The following FOXD3 variants were observed in gnomAD, a reference collection of about 807,000 sequenced individuals.
FOXD3 encodes forkhead box protein D3.
Under a neutral mutation model 3.6 loss-of-function variants are expected in FOXD3, and 3 were observed. That is an observed-to-expected ratio of 0.84 (90% CI 0.38 to 2.18). FOXD3 has a LOEUF of 2.18. Among genes scored for constraint, FOXD3 ranks in the 30% most tolerant of loss-of-function variants. FOXD3 has a pLI of 0.06. For synonymous variants in FOXD3, 391 were observed against 360.9 expected, an observed-to-expected ratio of 1.08 and a Z score of -0.94; for missense variants, 686 against 731.6, an observed-to-expected ratio of 0.94 and a Z score of 0.72.
In FOXD3 at chr1:63,324,591, C is replaced by A; in HGVS notation, c.*96C>A. 1.1e-6 allele frequency: 1 copy of A among 918,182 alleles called. No homozygotes were observed. The highest frequency in any genetic ancestry group is 1.7e-6 in the Non-Finnish European group (1 of 597,688). 56.9% of individuals were successfully genotyped at this position (918,182 alleles called of 1,614,324 possible). On this transcript the variant is annotated 3_prime_UTR_variant, in exon 1 of 1. Transcript: ENST00000371116. The surrounding 1 kb of genome is among the most constrained non-coding windows in gnomAD (Gnocchi z 4.1). Reference sequence around the variant, plus strand: ...GCCCTGTCCCAAGCCCGGTCCCGGTCCCGCTGCCCAATCCTGGACTCTGCC... The same window carrying A: ...GCCCTGTCCCAAGCCCGGTCCCGGTACCGCTGCCCAATCCTGGACTCTGCC...
Position 63,323,574 on chromosome 1 carries a change from C to A in FOXD3, c.516C>A (p.Ser172Arg). The A allele has an allele frequency of 6.2e-7, 1 of 1,614,170 alleles. No homozygotes were observed. Among genetic ancestry groups the A allele is most frequent in the Non-Finnish European group, 8.5e-7 (1 of 1,180,024 alleles). The change falls in exon 1 of 1, where the codon AGC (serine) becomes AGA (arginine). Residue 172 changes from serine (S) to arginine (R), a missense_variant. Coordinates refer to ENST00000371116, the MANE Select transcript of FOXD3 (RefSeq NM_012183.3). This position sits in a 1 kb window ranked among gnomAD's most constrained non-coding sequence, Gnocchi z 6.8. ...TGAGCGGCATCTGCGAGTTCATCAG[C>A]AACCGCTTCCCCTACTACAGGGAGA... is the stretch of plus-strand genomic sequence containing the variant. Reference protein sequence around the residue: ...LTLSGICEFISNRFPYYREKF... With the variant: ...LTLSGICEFIRNRFPYYREKF...
rs1411767591 is a variant in FOXD3, at chr1:63,323,938, G to T, written c.880G>T (p.Ala294Ser). The T allele has an allele frequency of 5.7e-5, 71 of 1,243,186 alleles. No homozygotes were observed. Among genetic ancestry groups the T allele is most frequent in the Non-Finnish European group, 6.9e-5 (69 of 998,568 alleles). 77.0% of individuals were successfully genotyped at this position (1,243,186 alleles called of 1,614,324 possible). ...GAYSHPAAAA[A>S]AAAAAALQYP... is the part of the protein sequence containing the mutation. ...CTATTCGCACCCGGCAGCGGCGGCG[G>T]CCGCGGCTGCTGCGGCGGCGCTCCA... Residue 294 changes from alanine to serine, a missense_variant, in exon 1 of 1, where the codon GCC (alanine) becomes TCC (serine). Ala to Ser is a moderately conservative substitution (Grantham distance 99, BLOSUM62 1). Coordinates refer to ENST00000371116, the MANE Select transcript of FOXD3 (RefSeq NM_012183.3). This position sits in a 1 kb window ranked among gnomAD's most constrained non-coding sequence, Gnocchi z 6.8.
At position 63,323,047 on chromosome 1, in the gene FOXD3, C is replaced by A; in HGVS notation, c.-12C>A. The A allele has an allele frequency of 1.3e-6, 2 of 1,527,444 alleles. No individual in the cohort carries two copies. Among genetic ancestry groups the A allele is most frequent in the South Asian group, 1.2e-5 (1 of 83,270 alleles). 94.6% of individuals were successfully genotyped at this position (1,527,444 alleles called of 1,614,324 possible). Reference sequence around the variant, plus strand: ...GCCCCCTCCCCGCCGCCGCTACCAACCCCGAGGAGGGATGACCCTCTCCGG... The same window carrying A: ...GCCCCCTCCCCGCCGCCGCTACCAAACCCGAGGAGGGATGACCCTCTCCGG... On this transcript the variant is annotated 5_prime_UTR_variant, in exon 1 of 1. Coordinates refer to ENST00000371116, the MANE Select transcript of FOXD3 (RefSeq NM_012183.3). The surrounding 1 kb of genome is among the most constrained non-coding windows in gnomAD (Gnocchi z 6.8).
chr1:63,323,431 G>T lies in FOXD3; in HGVS notation c.373G>T (p.Gly125Cys). 2 of 1,562,092 alleles carry T rather than the reference G, an allele frequency of 1.3e-6. No homozygotes were observed. The highest frequency in any genetic ancestry group is 1.2e-5 in the South Asian group (1 of 85,872). The change falls in exon 1 of 1, where the codon GGT becomes TGT. Residue 125 changes from glycine to cysteine, a missense_variant. By Grantham distance (159) the Gly-to-Cys change is radical (BLOSUM62 -3). Transcript: ENST00000371116. This position sits in a 1 kb window ranked among gnomAD's most constrained non-coding sequence, Gnocchi z 6.8. ...ASGGGPGAGS[G>C]SAGGLAPSKP... ...CGGCGGCGGGCCTGGCGCGGGCAGC[G>T]GTTCGGCGGGAGGCCTGGCCCCGAG... is the stretch of plus-strand genomic sequence containing the variant.
Position 63,322,957 on chromosome 1 carries a change from C to T in FOXD3, c.-102C>T. 7.1e-7 allele frequency: 1 copy of T among 1,407,118 alleles called. No homozygotes were observed. The highest frequency in any genetic ancestry group is 3.0e-5 in the East Asian group (1 of 33,236). The allele number at this position is 1,407,118 out of a possible 1,614,324, so 87.2% of individuals were successfully genotyped here. ...TCCCCTCTCCCTGCCCCCCATCTTT[C>T]GGGGGCACTCAAACCCTCTTCCCCT... On this transcript the variant is annotated 5_prime_UTR_variant, in exon 1 of 1. Transcript: ENST00000371116.
In FOXD3 at chr1:63,324,334, GC is replaced by G; in HGVS notation, c.1277del (p.Ala426GlufsTer12). ...FLRPPGTVQS[A>X]ALMATHQPLS... The stretch of plus-strand genomic sequence containing the variant: ...GCGGCCACCCGGGACCGTGCAGTCG[GC>G]AGCGCTCATGGCCACCCACCAACCG... On this transcript the variant is annotated frameshift_variant, in exon 1 of 1. Transcript: ENST00000371116. LOFTEE classifies it high-confidence loss of function. This position sits in a 1 kb window ranked among gnomAD's most constrained non-coding sequence, Gnocchi z 4.1. 4 of 1,582,884 alleles carry G rather than the reference GC, an allele frequency of 2.5e-6. No individual in the cohort carries two copies. The highest frequency in any genetic ancestry group is 3.4e-6 in the Non-Finnish European group (4 of 1,173,308).
Position 63,324,512 on chromosome 1 carries a change from G to A in FOXD3, c.*17G>A. 6.6e-7 allele frequency: 1 copy of A among 1,521,266 alleles called. No homozygotes were observed. Among genetic ancestry groups the A allele is most frequent in the Non-Finnish European group, 8.8e-7 (1 of 1,135,014 alleles). 94.2% of individuals were successfully genotyped at this position (1,521,266 alleles called of 1,614,324 possible). A position where few individuals can be genotyped will look rare whatever the true frequency, so the allele number is the denominator to read the frequency against. On this transcript the variant is annotated 3_prime_UTR_variant, in exon 1 of 1. Transcript: ENST00000371116. The surrounding 1 kb of genome is among the most constrained non-coding windows in gnomAD (Gnocchi z 4.1). ...GCGCAATAGGGACGCGCCAATGGCC[G>A]GGACCCAGGGTCCGGCGGCGGCCTC...
In FOXD3 at chr1:63,323,397, C is replaced by T. The variant is rs1365152753; in HGVS notation, c.339C>T (p.Gly113=). ...GCKGGVGGEE[G]GASGGGPGAG... Reference sequence around the variant, plus strand: ...AGGGCGGTGTTGGCGGCGAGGAGGGCGGCGCGAGCGGCGGCGGGCCTGGCG... The same window carrying T: ...AGGGCGGTGTTGGCGGCGAGGAGGGTGGCGCGAGCGGCGGCGGGCCTGGCG... Residue 113 remains glycine, a synonymous_variant, in exon 1 of 1, where the codon GGC becomes GGT. Transcript: ENST00000371116. The surrounding 1 kb of genome is among the most constrained non-coding windows in gnomAD (Gnocchi z 6.8). The T allele has an allele frequency of 2.1e-5, 30 of 1,435,750 alleles. No individual in the cohort carries two copies. Among genetic ancestry groups the T allele is most frequent in the South Asian group, 7.5e-5 (5 of 66,712 alleles). 88.9% of individuals were successfully genotyped at this position (1,435,750 alleles called of 1,614,324 possible).
Position 63,324,566 on chromosome 1 carries a change from G to C in FOXD3, c.*71G>C. The C allele has an allele frequency of 8.4e-7, 1 of 1,194,052 alleles. No individual in the cohort carries two copies. The highest frequency in any genetic ancestry group is 2.2e-5 in the Admixed American group (1 of 44,764). 74.0% of individuals were successfully genotyped at this position (1,194,052 alleles called of 1,614,324 possible). ...CAACAAATGCACCTCCAGGCTGCGC[G>C]CCCTGTCCCAAGCCCGGTCCCGGTC... On this transcript the variant is annotated 3_prime_UTR_variant, in exon 1 of 1. Coordinates refer to ENST00000371116, the MANE Select transcript of FOXD3 (RefSeq NM_012183.3). The surrounding 1 kb of genome is among the most constrained non-coding windows in gnomAD (Gnocchi z 4.1).
Position 63,323,382 on chromosome 1 carries a change from T to G in FOXD3, c.324T>G (p.Val108=). Residue 108 remains valine, a synonymous_variant, in exon 1 of 1, where the codon GTT becomes GTG. Coordinates refer to ENST00000371116, the MANE Select transcript of FOXD3 (RefSeq NM_012183.3). The surrounding 1 kb of genome is among the most constrained non-coding windows in gnomAD (Gnocchi z 6.8). ...APEADGCKGG[V]GGEEGGASGG... ...AGGCGGACGGCTGCAAGGGCGGTGTTGGCGGCGAGGAGGGCGGCGCGAGCG... is the reference window on the plus strand; with the variant it reads ...AGGCGGACGGCTGCAAGGGCGGTGTGGGCGGCGAGGAGGGCGGCGCGAGCG... 1 of 1,401,982 alleles carries G rather than the reference T, an allele frequency of 7.1e-7. No homozygotes were observed. The highest frequency in any genetic ancestry group is 9.2e-7 in the Non-Finnish European group (1 of 1,082,680). 86.8% of individuals were successfully genotyped at this position (1,401,982 alleles called of 1,614,324 possible). A position where few individuals can be genotyped will look rare whatever the true frequency, so the allele number is the denominator to read the frequency against.
rs1208241654 is a variant in FOXD3, at chr1:63,324,441, C to G, written c.1383C>G (p.Ala461=). Residue 461 remains alanine, a synonymous_variant, in exon 1 of 1, where the codon GCC becomes GCG. Transcript: ENST00000371116. This position sits in a 1 kb window ranked among gnomAD's most constrained non-coding sequence, Gnocchi z 4.1. Reference sequence around the variant, plus strand: ...CCGGACAGTTTCTGCAGCCCGCAGCCTCGGCCGCCGCCGCTGCTGCGGCCG... The same window carrying G: ...CCGGACAGTTTCTGCAGCCCGCAGCGTCGGCCGCCGCCGCTGCTGCGGCCG... The part of the protein sequence containing the change: ...PLSGQFLQPA[A]SAAAAAAAAA... 3 of 1,546,388 alleles carry G rather than the reference C, an allele frequency of 1.9e-6. No individual in the cohort carries two copies. The African/African-American group carries it at 4.1e-5, about 21-fold the overall frequency.
rs1647054240 is a variant in FOXD3, at chr1:63,324,118, G to T, written c.1060G>T (p.Ala354Ser). Residue 354 changes from alanine to serine, a missense_variant, in exon 1 of 1, where the codon GCT (alanine) becomes TCT (serine). Transcript: ENST00000371116. The surrounding 1 kb of genome is among the most constrained non-coding windows in gnomAD (Gnocchi z 4.1). ...QLNSLGAAAAAAGTAGAAGTT... is the reference protein window; with the variant it reads ...QLNSLGAAAASAGTAGAAGTT... ...CAATAGCCTGGGCGCCGCCGCGGCC[G>T]CTGCGGGCACAGCGGGCGCCGCGGG... The T allele has an allele frequency of 3.5e-6, 5 of 1,431,296 alleles. No homozygotes were observed. The highest frequency in any genetic ancestry group is 4.5e-6 in the Non-Finnish European group (5 of 1,105,602). 88.7% of individuals were successfully genotyped at this position (1,431,296 alleles called of 1,614,324 possible).
At position 63,323,810 on chromosome 1, in the gene FOXD3, T is replaced by C. The variant is rs1647049211; in HGVS notation, c.752T>C (p.Leu251Pro). 1 of 1,603,086 alleles carries C rather than the reference T, an allele frequency of 6.2e-7. No individual in the cohort carries two copies. The highest frequency in any genetic ancestry group is 1.3e-5 in the African/African-American group (1 of 74,452). Residue 251 changes from leucine (L) to proline (P), a missense_variant, in exon 1 of 1, where the codon CTC (leucine) becomes CCC (proline). Physicochemically the swap from Leu to Pro is moderately conservative, Grantham distance 98. Transcript: ENST00000371116. The surrounding 1 kb of genome is among the most constrained non-coding windows in gnomAD (Gnocchi z 6.8). Reference protein sequence around the residue: ...QQEHLREQTALMMQSFGAYSL... With the variant: ...QQEHLREQTAPMMQSFGAYSL... The stretch of plus-strand genomic sequence containing the variant: ...GAGCACCTGCGCGAGCAGACGGCGC[T>C]CATGATGCAGAGCTTCGGCGCTTAC...
chr1:63,323,660 A>C lies in FOXD3; in HGVS notation c.602A>C (p.Lys201Thr). The C allele has an allele frequency of 6.2e-7, 1 of 1,614,032 alleles. No individual in the cohort carries two copies. The highest frequency in any genetic ancestry group is 8.5e-7 in the Non-Finnish European group (1 of 1,179,972). The change falls in exon 1 of 1, where the codon AAG becomes ACG. Residue 201 changes from lysine (K) to threonine (T), a missense_variant. This residue lies in a region of FOXD3 where 84 missense variants were observed against 145.2 expected (regional missense o/e 0.58). Coordinates refer to ENST00000371116, the MANE Select transcript of FOXD3 (RefSeq NM_012183.3). The surrounding 1 kb of genome is among the most constrained non-coding windows in gnomAD (Gnocchi z 6.8). ...HNLSLNDCFV[K>T]IPREPGNPGK... is the part of the protein sequence containing the mutation. ...CTCTCACTCAACGACTGCTTCGTCA[A>C]GATCCCCCGCGAGCCGGGCAACCCG...
rs923547339 is a variant in FOXD3 at position 63,323,892 on chromosome 1, C to A, written c.834C>A (p.His278Gln). The A allele has an allele frequency of 5.7e-6, 8 of 1,396,354 alleles. No individual in the cohort carries two copies. The African/African-American group carries it at 1.2e-4, about 21-fold the overall frequency. The allele number at this position is 1,396,354 out of a possible 1,614,324, so 86.5% of individuals were successfully genotyped here. Residue 278 changes from histidine to glutamine, a missense_variant, in exon 1 of 1, where the codon CAC (histidine) becomes CAA (glutamine). Physicochemically the swap from His to Gln is conservative, Grantham distance 24 (BLOSUM62 0). Coordinates refer to ENST00000371116, the MANE Select transcript of FOXD3 (RefSeq NM_012183.3). This position sits in a 1 kb window ranked among gnomAD's most constrained non-coding sequence, Gnocchi z 6.8. ...AGPYGRPYGL[H>Q]PAAAAGAYSH... The stretch of plus-strand genomic sequence containing the variant: ...CCTACGGCCGCCCCTACGGCCTGCA[C>A]CCTGCGGCGGCGGCCGGTGCCTATT...
At position 63,322,895 on chromosome 1, in the gene FOXD3, G is replaced by C. The variant is rs1647035882; in HGVS notation, c.-164G>C. ...CGCGATGCGGGGCCGCCGAGTGTGA[G>C]CTGAGCCCAGCGGGCCCCAAGCCAC... On this transcript the variant is annotated 5_prime_UTR_variant, in exon 1 of 1. Transcript: ENST00000371116. The C allele has an allele frequency of 7.2e-7, 1 of 1,381,390 alleles. No homozygotes were observed. The highest frequency in any genetic ancestry group is 3.5e-5 in the Admixed American group (1 of 28,436). 85.6% of individuals were successfully genotyped at this position (1,381,390 alleles called of 1,614,324 possible).
At position 63,324,082 on chromosome 1, in the gene FOXD3, C is replaced by T; in HGVS notation, c.1024C>T (p.Gln342Ter). ...AFGSQLGPGLQLQLNSLGAAA... is the reference protein window; with the variant it reads ...AFGSQLGPGL ...CGGCTCACAGCTCGGCCCGGGCCTG[C>T]AGCTGCAGCTCAATAGCCTGGGCGC... The change falls in exon 1 of 1, where the codon CAG (glutamine) becomes TAG (stop). Residue 342 changes from glutamine to a stop codon, truncating the protein, a stop_gained. Transcript: ENST00000371116. LOFTEE classifies it low-confidence loss of function (END_TRUNC). This position sits in a 1 kb window ranked among gnomAD's most constrained non-coding sequence, Gnocchi z 4.1. The T allele has an allele frequency of 2.8e-6, 4 of 1,421,904 alleles. No homozygotes were observed. Among genetic ancestry groups the T allele is most frequent in the South Asian group, 1.5e-5 (1 of 68,756 alleles). The allele number at this position is 1,421,904 out of a possible 1,614,324, so 88.1% of individuals were successfully genotyped here.
In FOXD3 at chr1:63,323,084, C is replaced by T; in HGVS notation, c.26C>T (p.Ala9Val). The stretch of plus-strand genomic sequence containing the variant: ...ATGACCCTCTCCGGCGGCGGCAGCG[C>T]CAGCGACATGTCCGGCCAGACGGTG... MTLSGGGS[A>V]SDMSGQTVLT... Residue 9 changes from alanine (A) to valine (V), a missense_variant, in exon 1 of 1, where the codon GCC (alanine) becomes GTC (valine). Transcript: ENST00000371116. The surrounding 1 kb of genome is among the most constrained non-coding windows in gnomAD (Gnocchi z 6.8). The T allele has an allele frequency of 3.9e-6, 6 of 1,554,434 alleles. No individual in the cohort carries two copies. The highest frequency in any genetic ancestry group is 4.3e-6 in the Non-Finnish European group (5 of 1,153,136).
chr1:63,322,602 C>A lies in FOXD3; in HGVS notation c.-457C>A. ...GGACTTTCGACTACCGGGGCTTCGG[C>A]GTCCCTGACACCCAGCCCCCTGCCC... On this transcript the variant is annotated 5_prime_UTR_variant, in exon 1 of 1. Coordinates refer to ENST00000371116, the MANE Select transcript of FOXD3 (RefSeq NM_012183.3). 1 of 970,452 alleles carries A rather than the reference C, an allele frequency of 1.0e-6. No homozygotes were observed. Among genetic ancestry groups the A allele is most frequent in the Non-Finnish European group, 1.2e-6 (1 of 814,936 alleles). 60.1% of individuals were successfully genotyped at this position (970,452 alleles called of 1,614,324 possible).
Sources: gnomAD v4.1 joint callset for allele counts on GRCh38, gnomAD v4.1.1 for gene constraint, gnomAD v4.1.1 regional missense constraint, Gnocchi (gnomAD v3.1) non-coding constraint, MANE v1.5 for transcripts, NCBI Gene and HGNC (gene_info 2026-07-23, HGNC 2026-07-21) for gene names.